CNTNAP5: variants seen among roughly 807,000 people sequenced by gnomAD.
CNTNAP5 encodes the protein contactin associated protein family member 5.
Under a neutral mutation model 150.2 loss-of-function variants are expected in CNTNAP5, and 72 were observed. The observed-to-expected ratio is 0.48, with a 90% CI of 0.40 to 0.58. The LOEUF is 0.58. Ranked by LOEUF, CNTNAP5 falls within the 20% of genes least tolerant of loss-of-function variation. The pLI, the probability that CNTNAP5 is intolerant of heterozygous loss-of-function variation, is 0.00. For synonymous variants in CNTNAP5, 672 were observed against 619.8 expected (o/e 1.08, Z -1.25); for missense variants, 1,636 against 1,626.2 (o/e 1.01, Z -0.10).
chr2:124,238,071 A>G (rs1299731877), intron 2 of CNTNAP5, among the ~76,000 whole-genome samples: 1 of 152,122 alleles, frequency 6.6e-6, no homozygotes, highest in Non-Finnish European at 1.5e-5. Flanking sequence ...TTCCATGAGA[A>G]TCAACTGAGA....
Position 124,171,331 on chromosome 2 carries a change from T to A in CNTNAP5, c.83-50374T>A, listed in dbSNP as rs183475900. On this transcript the variant is annotated intron_variant, in intron 1 of 23. Coordinates refer to ENST00000682447, the MANE Select transcript of CNTNAP5 (RefSeq NM_001367498.1). ...AACACACAAATTATGGTACCCCATT[T>A]GGCCAGCCACAAAATGCCCTTGCCT... Among the ~76,000 whole-genome samples the A allele has an allele frequency of 2.5e-3, 382 of 152,318 alleles. 1 individual carries two copies. Among genetic ancestry groups the A allele is most frequent in the African/African-American group, 8.6e-3 (358 of 41,576 alleles).
At chr2:124,882,606 G>A (rs1677986930) in intron 21 of CNTNAP5, among the ~76,000 whole-genome samples, 1 of 152,126 alleles carries the variant, frequency 6.6e-6, no homozygotes, top group African/African-American at 2.4e-5. Context: ...ATGCAGAGAT[G>A]CTGTCTTCAT....
intron 6 of CNTNAP5, among the ~76,000 whole-genome samples, chr2:124,468,870 C>A (rs1010327880): frequency 1.3e-5 from 2 of 152,192 alleles, no homozygotes; most frequent in African/African-American, 2.4e-5. Context: ...ACCCCTCTAG[C>A]CTTTCTGCGT....
intron 3 of CNTNAP5, among the ~76,000 whole-genome samples, chr2:124,311,785 G>A (rs1283194915): frequency 6.6e-6 from 1 of 152,176 alleles, no homozygotes; most frequent in Non-Finnish European, 1.5e-5. Flanking sequence ...TCTATATGAT[G>A]AACTCTATAC....
At chr2:124,306,248 C>T (rs149818249) in intron 3 of CNTNAP5, among the ~76,000 whole-genome samples, 453 of 152,276 alleles carry the variant, frequency 3.0e-3, no homozygotes, top group Non-Finnish European at 5.2e-3. Flanking sequence ...CCCCAAAGTG[C>T]TCCCAGTCGC....
At chr2:124,251,505 T>C (rs955921370) in intron 3 of CNTNAP5, among the ~76,000 whole-genome samples, 1 of 151,184 alleles carries the variant, frequency 6.6e-6, no homozygotes, top group Non-Finnish European at 1.5e-5. Flanking sequence ...AAGGAAGATG[T>C]ACTTGCAAAA....
At chr2:124,056,577 C>T (rs1361439460) in intron 1 of CNTNAP5, among the ~76,000 whole-genome samples, 1 of 152,134 alleles carries the variant, frequency 6.6e-6, no homozygotes, top group Non-Finnish European at 1.5e-5. Flanking sequence ...ACATGGGAGG[C>T]GGAGCTTGCA....
At chr2:124,277,893 G>C (rs977601136) in intron 3 of CNTNAP5, among the ~76,000 whole-genome samples, 3 of 152,116 alleles carry the variant, frequency 2.0e-5, no homozygotes, top group African/African-American at 7.2e-5. Flanking sequence ...TATGCAGAAG[G>C]GGCCAGCCTC....
intron 11 of CNTNAP5, among the ~76,000 whole-genome samples, chr2:124,580,975 G>A (rs914432691): frequency 5.9e-5 from 9 of 152,288 alleles, no homozygotes; most frequent in East Asian, 1.9e-4. Context: ...CAGGGGGAAC[G>A]GGAGTCATTG....
intron 1 of CNTNAP5, among the ~76,000 whole-genome samples, chr2:124,096,006 C>A (rs1682926300): frequency 6.6e-6 from 1 of 152,098 alleles, no homozygotes; most frequent in Admixed American, 6.6e-5. Flanking sequence ...AAAACTAAGT[C>A]CCCCTGTCTT....
At position 124,527,296 on chromosome 2, in the gene CNTNAP5, A is replaced by G; in HGVS notation, c.1489A>G (p.Asn497Asp). ...NSYYFGGCPD[N>D]LTDSQCLNPI... The stretch of plus-strand genomic sequence containing the variant: ...TCTCTGTCCCACAGGGTGCCCCGAC[A>G]ATCTCACCGATTCCCAATGTTTAAA... The change falls in exon 10 of 24, where the codon AAT becomes GAT. Residue 497 changes from asparagine to aspartate, a missense_variant. Coordinates refer to ENST00000682447, the MANE Select transcript of CNTNAP5 (RefSeq NM_001367498.1). 1.9e-6 allele frequency: 3 copies of G among 1,613,212 alleles called. No homozygotes were observed. The highest frequency in any genetic ancestry group is 2.5e-6 in the Non-Finnish European group (3 of 1,179,496).
chr2:124,110,982 C>G (rs1414251447), intron 1 of CNTNAP5, among the ~76,000 whole-genome samples: 10 of 152,138 alleles, frequency 6.6e-5, no homozygotes, highest in Non-Finnish European at 2.9e-5. Context: ...CTCCCATGAT[C>G]TCTACTTGTC....
intron 17 of CNTNAP5, among the ~76,000 whole-genome samples, chr2:124,783,274 T>A (rs1050148706): frequency 2.6e-5 from 4 of 152,174 alleles, no homozygotes; most frequent in Non-Finnish European, 5.9e-5. Context: ...AACACAGTAC[T>A]AAAAACAGCC....
rs1558894063 is a variant in CNTNAP5 at position 124,419,957 on chromosome 2, C to CTT, written c.529+2370_529+2371dup. 4.7e-4 allele frequency among the ~76,000 whole-genome samples: 8 copies of CTT among 16,954 alleles called. 1 individual carries two copies. The highest frequency in any genetic ancestry group is 6.9e-4 in the African/African-American group (3 of 4,364). 11.1% of individuals were successfully genotyped at this position (16,954 alleles called of 152,430 possible). On this transcript the variant is annotated intron_variant, in intron 4 of 23. Transcript: ENST00000682447. ...CTTTCTTTCTTTCTTTCTTTCTTTC[C>CTT]TTTTCTCTCTCTCTCTTTCTTTCTT...
intron 19 of CNTNAP5, among the ~76,000 whole-genome samples, chr2:124,829,409 T>G (rs1161475125): frequency 6.6e-6 from 1 of 152,210 alleles, no homozygotes; most frequent in Non-Finnish European, 1.5e-5. Context: ...TTGGGCAGCA[T>G]GCTTACTTTC....
chr2:124,569,058 A>AAT (rs978963335), intron 11 of CNTNAP5, among the ~76,000 whole-genome samples: 16 of 151,754 alleles, frequency 1.1e-4, no homozygotes, highest in South Asian at 2.1e-4. Context: ...AAAAGAAAAA[A>AAT]ATATATATAT....
At chr2:124,446,640 A>G (rs569454183) in intron 5 of CNTNAP5, 113 bp from the exon 6 acceptor site, 32 of 969,094 alleles carry the variant, frequency 3.3e-5, no homozygotes, top group African/African-American at 8.2e-5. Context: ...CTGTAGGGAG[A>G]CATCATTCTT....
intron 6 of CNTNAP5, among the ~76,000 whole-genome samples, chr2:124,448,375 C>T (rs17726206): frequency 7.9e-5 from 12 of 151,960 alleles, no homozygotes; most frequent in Admixed American, 6.6e-5. Flanking sequence ...TATATTATAT[C>T]GATTTGCCTG....
Position 124,865,381 on chromosome 2 carries a change from A to G in CNTNAP5, c.3293A>G (p.Asn1098Ser). Reference protein sequence around the residue: ...VFTIDADNFANRRMHHLKINR... With the variant: ...VFTIDADNFASRRMHHLKINR... ...ACCATTGATGCAGATAACTTTGCTAACAGAAGGATGCACCACTTGAAGATT... is the reference window on the plus strand; with the variant it reads ...ACCATTGATGCAGATAACTTTGCTAGCAGAAGGATGCACCACTTGAAGATT... The change falls in exon 20 of 24, where the codon AAC (asparagine) becomes AGC (serine). Residue 1098 changes from asparagine (N) to serine (S), a missense_variant. Transcript: ENST00000682447. 6.4e-7 allele frequency: 1 copy of G among 1,555,302 alleles called. No homozygotes were observed. Among genetic ancestry groups the G allele is most frequent in the African/African-American group, 1.4e-5 (1 of 73,438 alleles).
Sources: allele counts gnomAD v4.1 joint callset (sites outside exome capture counted in the v4.1 genomes callset), GRCh38; gene constraint gnomAD v4.1.1; transcripts MANE v1.5; gene names NCBI Gene and HGNC (gene_info 2026-07-23, HGNC 2026-07-21).